CACNA2D4: variants seen among roughly 807,000 people sequenced by gnomAD.
CACNA2D4 encodes voltage-dependent calcium channel subunit alpha-2/delta-4.
Under a neutral mutation model 163.8 loss-of-function variants are expected in CACNA2D4, and 157 were observed. The ratio of observed to expected loss-of-function variants is 0.96; its 90% CI spans 0.84 to 1.09. The LOEUF (loss-of-function observed/expected upper bound fraction) is 1.09, where lower values mean the gene tolerates loss of function less well. Ranked by LOEUF, CACNA2D4 falls within the 50% of genes least tolerant of loss-of-function variation. CACNA2D4 has a pLI of 0.00. For synonymous variants in CACNA2D4, 598 were observed against 586.9 expected, an observed-to-expected ratio of 1.02 and a Z score of -0.27; for missense variants, 1,410 against 1,479.9, an observed-to-expected ratio of 0.95 and a Z score of 0.78.
At chr12:1,887,223 A>G (rs1231119170) in intron 6 of CACNA2D4, among the ~76,000 whole-genome samples, 154 bp from the exon 7 acceptor site, 2 of 152,170 alleles carry the variant, frequency 1.3e-5, no homozygotes, top group Admixed American at 1.3e-4. Flanking sequence ...TGCCCTGTAG[A>G]CTGAGACAAG....
chr12:1,860,118 C>G, intron 19 of CACNA2D4, 27 bp downstream of exon 19: 1 of 1,588,216 alleles, frequency 6.3e-7, no homozygotes. Flanking sequence ...ACCCTCACCC[C>G]GTGCAAATAA....
intron 27 of CACNA2D4, 113 bp from the exon 28 acceptor site, chr12:1,810,700 T>C (rs941417944): frequency 1.9e-5 from 21 of 1,096,734 alleles, no homozygotes; most frequent in Non-Finnish European, 2.7e-5. Context: ...CATGTGTGCA[T>C]GGGGTGTGTA....
chr12:1,852,989 A>G (rs1865319129), intron 23 of CACNA2D4, among the ~76,000 whole-genome samples: 1 of 152,216 alleles, frequency 6.6e-6, no homozygotes, highest in Non-Finnish European at 1.5e-5. Flanking sequence ...CACTCAGAAC[A>G]GTGCCTGGCC....
At chr12:1,876,581 T>C (rs1865886673) in intron 16 of CACNA2D4, among the ~76,000 whole-genome samples, 1 of 152,226 alleles carries the variant, frequency 6.6e-6, no homozygotes, top group African/African-American at 2.4e-5. Context: ...CGGTCCCCTA[T>C]CACTGTGTAT....
At chr12:1,837,623 G>A (rs1019636817) in intron 26 of CACNA2D4, among the ~76,000 whole-genome samples, 8 of 152,140 alleles carry the variant, frequency 5.3e-5, no homozygotes, top group African/African-American at 1.7e-4. Context: ...ACAACCCAGC[G>A]AGCCAGGAGC....
intron 24 of CACNA2D4, among the ~76,000 whole-genome samples, chr12:1,845,458 G>A (rs1207928683): frequency 6.6e-6 from 1 of 152,226 alleles, no homozygotes; most frequent in African/African-American, 2.4e-5. Context: ...GAAAGCCTCA[G>A]CTTTGCTTAG....
At chr12:1,852,561 C>T (rs1009319299) in intron 23 of CACNA2D4, among the ~76,000 whole-genome samples, 3 of 152,100 alleles carry the variant, frequency 2.0e-5, no homozygotes, top group African/African-American at 7.2e-5. Flanking sequence ...TTTTCTATAT[C>T]TTTGGAGATG....
chr12:1,884,606 C>T (rs1358637245), intron 11 of CACNA2D4, among the ~76,000 whole-genome samples, 162 bp downstream of exon 11: 1 of 152,100 alleles, frequency 6.6e-6, no homozygotes. Flanking sequence ...CTCGGGTAGC[C>T]ATAATTTTGG....
At position 1,799,089 on chromosome 12, in the gene CACNA2D4, C is replaced by T. The variant is rs368989906; in HGVS notation, c.2995+586G>A. The stretch of plus-strand genomic sequence containing the variant: ...AGGAACACGGAGGAACTGAGCAGAG[C>T]CCGCTGAGGCAAGATGGCCTCCTGC... On this transcript the variant is annotated intron_variant, in intron 34 of 37. Transcript: ENST00000382722. This position sits in a 1 kb window ranked among gnomAD's most constrained non-coding sequence, Gnocchi z 4.7. Among the ~76,000 whole-genome samples the T allele has an allele frequency of 2.6e-5, 4 of 152,334 alleles. No homozygotes were observed. The highest frequency in any genetic ancestry group is 4.1e-4 in the South Asian group (2 of 4,826).
intron 26 of CACNA2D4, chr12:1,822,204 T>C (rs890234625): frequency 6.6e-6 from 1 of 152,306 alleles, no homozygotes; most frequent in African/African-American, 2.4e-5. Context: ...GAAGCTTGTC[T>C]GGGCCCACGA....
chr12:1,811,615 G>T, intron 27 of CACNA2D4, 47 bp downstream of exon 27: 1 of 1,536,412 alleles, frequency 6.5e-7, no homozygotes, highest in South Asian at 1.2e-5. Context: ...ACACCCAGGG[G>T]AGCGTGGTGA....
In CACNA2D4 at chr12:1,913,029, C is replaced by G; in HGVS notation, c.420G>C (p.Ala140=). The G allele has an allele frequency of 6.2e-7, 1 of 1,609,908 alleles. No individual in the cohort carries two copies. Among genetic ancestry groups the G allele is most frequent in the Non-Finnish European group, 8.5e-7 (1 of 1,176,280 alleles). ...GATCACAGGCCTGGAGTACCTGGAC[C>G]GCCTCGACTTTCCTCCGCAGCATGT... ...MENMLRRKVE[A]VQNLVEAAEE... Residue 140 remains alanine (A), a synonymous_variant, in exon 3 of 38, where the codon GCG becomes GCC. Transcript: ENST00000382722.
intron 18 of CACNA2D4, among the ~76,000 whole-genome samples, chr12:1,866,336 C>T (rs1237224891): frequency 6.6e-6 from 1 of 152,178 alleles, no homozygotes; most frequent in Non-Finnish European, 1.5e-5. Flanking sequence ...CTGCTATGTG[C>T]TATTGTTGCC....
intron 18 of CACNA2D4, among the ~76,000 whole-genome samples, chr12:1,865,129 C>T (rs1455220741): frequency 2.0e-5 from 3 of 152,320 alleles, no homozygotes; most frequent in South Asian, 2.1e-4. Flanking sequence ...CTGTACCTGG[C>T]CACGGAGGGG....
At chr12:1,795,143 T>G (rs1370018339) in intron 37 of CACNA2D4, 156 bp downstream of exon 37, 1 of 627,440 alleles carries the variant, frequency 1.6e-6, no homozygotes, top group Non-Finnish European at 2.8e-6. Context: ...TATCACAGTG[T>G]CACAGGGCAT....
chr12:1,797,376 G>T (rs77095670), intron 35 of CACNA2D4, 42 bp downstream of exon 35: 3 of 1,391,542 alleles, frequency 2.2e-6, no homozygotes, highest in Non-Finnish European at 3.0e-6. Context: ...CCGAGGGCGG[G>T]AGGAGTGTGG....
chr12:1,886,314 C>T lies in CACNA2D4; in HGVS notation c.902G>A (p.Ser301Asn). ...DIVILVDVSGSMKGLRMTIAK... is the reference protein window; with the variant it reads ...DIVILVDVSGNMKGLRMTIAK... ...AATAGTCATCCTCAGCCCCTTCATA[C>T]TGCCGCTCACGTCCACCAAAATCAC... The change falls in exon 8 of 38, where the codon AGT (serine) becomes AAT (asparagine). Residue 301 changes from serine to asparagine, a missense_variant. Transcript: ENST00000382722. The T allele has an allele frequency of 1.9e-6, 3 of 1,613,908 alleles. No individual in the cohort carries two copies. Among genetic ancestry groups the T allele is most frequent in the Non-Finnish European group, 1.7e-6 (2 of 1,179,786 alleles).
intron 6 of CACNA2D4, among the ~76,000 whole-genome samples, chr12:1,900,037 AATAACAT>A (rs556573209): frequency 1.2e-3 from 188 of 152,342 alleles, no homozygotes; most frequent in African/African-American, 4.4e-3. Flanking sequence ...ACATACAGCT[AATAACAT>A]ATAAAGAAAT....
At position 1,879,801 on chromosome 12, in the gene CACNA2D4, C is replaced by T. The variant is rs1167691882; in HGVS notation, c.1563+3G>A. 1.3e-6 allele frequency: 2 copies of T among 1,595,274 alleles called. No individual in the cohort carries two copies. The highest frequency in any genetic ancestry group is 1.7e-5 in the Admixed American group (1 of 57,430). On this transcript the variant is annotated splice_donor_region_variant and intron_variant, in intron 14 of 37. Transcript: ENST00000382722. ...TACAACGTCTCCAGGAGCGGCCACT[C>T]ACCGTTTCGTTCTTCTTGCTGAAGA...
Sources: allele counts gnomAD v4.1 joint callset (sites outside exome capture counted in the v4.1 genomes callset), GRCh38; gene constraint gnomAD v4.1.1; non-coding constraint Gnocchi (gnomAD v3.1); transcripts MANE v1.5; gene names NCBI Gene and HGNC (gene_info 2026-07-23, HGNC 2026-07-21).